The following PRELID2 variants were observed in gnomAD, a reference collection of about 807,000 sequenced individuals.
The protein encoded by PRELID2 is PRELI domain-containing protein 2.
Under a neutral mutation model 28.4 loss-of-function variants are expected in PRELID2, and 25 were observed. That is an observed-to-expected ratio of 0.88 (90% confidence interval 0.64 to 1.23). The LOEUF (loss-of-function observed/expected upper bound fraction) is 1.23. PRELID2 is among the 50% of genes most tolerant of loss of function. The probability of loss-of-function intolerance (pLI) is 0.00; values close to 1 mark genes in which losing one functional copy is unlikely to be tolerated. For missense variants in PRELID2, 201 were observed against 214.4 expected, an observed-to-expected ratio of 0.94 and a Z score of 0.39; for synonymous variants, 76 against 71.6, an observed-to-expected ratio of 1.06 and a Z score of -0.31.
the PRELID2 span, among the ~76,000 whole-genome samples, chr5:145,413,631 C>CAT: frequency 6.6e-5 from 10 of 151,446 alleles, no homozygotes; most frequent in Non-Finnish European, 1.5e-5. Context: ...CACACACACA[C>CAT]ACACACACAC....
At chr5:145,362,329 C>T in the PRELID2 span, among the ~76,000 whole-genome samples, 3 of 152,110 alleles carry the variant, frequency 2.0e-5, no homozygotes, top group Non-Finnish European at 4.4e-5. Context: ...GGTTTCATCT[C>T]GCATAGTTAG....
chr5:145,823,287 CT>C (rs1274608625), intron 1 of PRELID2, among the ~76,000 whole-genome samples, 153 bp from the exon 2 acceptor site: 7 of 152,302 alleles, frequency 4.6e-5, no homozygotes, highest in African/African-American at 1.7e-4. Flanking sequence ...AATTTTATAA[CT>C]TGGGCCTAGA....
intron 1 of PRELID2, among the ~76,000 whole-genome samples, chr5:145,743,066 G>A (rs1332291321): frequency 1.3e-5 from 2 of 151,910 alleles, no homozygotes; most frequent in Non-Finnish European, 2.9e-5. Context: ...AAAATTAGGG[G>A]GCGGGGCTAA....
At chr5:145,395,665 C>A in the PRELID2 span, among the ~76,000 whole-genome samples, 1 of 152,032 alleles carries the variant, frequency 6.6e-6, no homozygotes, top group Admixed American at 6.6e-5. Flanking sequence ...TGATGTTATG[C>A]AACATAATTT....
At chr5:145,369,752 C>A in the PRELID2 span, among the ~76,000 whole-genome samples, 1 of 151,918 alleles carries the variant, frequency 6.6e-6, no homozygotes, top group Non-Finnish European at 1.5e-5. Context: ...TGTAAAAGTG[C>A]TCCTATCTCT....
intron 1 of PRELID2, among the ~76,000 whole-genome samples, chr5:145,663,576 AC>A (rs1754534046): frequency 6.6e-6 from 1 of 152,146 alleles, no homozygotes; most frequent in African/African-American, 2.4e-5. Context: ...TGAAACAACT[AC>A]TTTTAAAAAG....
the PRELID2 span, among the ~76,000 whole-genome samples, chr5:145,317,758 C>T: frequency 6.6e-6 from 1 of 152,170 alleles, no homozygotes; most frequent in East Asian, 1.9e-4. Context: ...TGTCCCTGGG[C>T]TCCAGGAACA....
intron 1 of PRELID2, among the ~76,000 whole-genome samples, chr5:145,646,845 G>C (rs887686653): frequency 6.6e-6 from 1 of 152,194 alleles, no homozygotes; most frequent in Non-Finnish European, 1.5e-5. Context: ...ATCACCAGCG[G>C]AGGCTGCAGT....
intron 1 of PRELID2, among the ~76,000 whole-genome samples, chr5:145,653,217 G>T (rs2149672544): frequency 6.6e-6 from 1 of 152,300 alleles, no homozygotes; most frequent in African/African-American, 2.4e-5. Flanking sequence ...AAATATATAT[G>T]CACCCAATAC....
chr5:145,664,189 T>C (rs1754545327), intron 1 of PRELID2, among the ~76,000 whole-genome samples: 1 of 152,198 alleles, frequency 6.6e-6, no homozygotes, highest in Non-Finnish European at 1.5e-5. Flanking sequence ...ATATACATTA[T>C]TGTGTCCAGG....
At chr5:145,251,372 C>T in the PRELID2 span, among the ~76,000 whole-genome samples, 1 of 152,058 alleles carries the variant, frequency 6.6e-6, no homozygotes, top group East Asian at 1.9e-4. Flanking sequence ...TTTAAGTGGG[C>T]CATGAGCCCA....
At chr5:145,358,968 T>A in the PRELID2 span, among the ~76,000 whole-genome samples, 3 of 152,170 alleles carry the variant, frequency 2.0e-5, no homozygotes, top group African/African-American at 7.2e-5. Flanking sequence ...CCAAGCATAA[T>A]TTATAATGAG....
intron 1 of PRELID2, chr5:145,834,964 C>A (rs1456473088): frequency 2.1e-6 from 1 of 465,354 alleles, no homozygotes; most frequent in Non-Finnish European, 3.9e-6. Flanking sequence ...TCAGCTGGGG[C>A]AGGTGTGAAC....
the PRELID2 span, among the ~76,000 whole-genome samples, chr5:145,345,340 T>A: frequency 6.6e-6 from 1 of 151,590 alleles, no homozygotes; most frequent in East Asian, 1.9e-4. Context: ...AGTCTACTGA[T>A]TGATGACCAC....
At chr5:145,641,597 G>C (rs1754107367) in intron 1 of PRELID2, among the ~76,000 whole-genome samples, 1 of 152,180 alleles carries the variant, frequency 6.6e-6, no homozygotes, top group African/African-American at 2.4e-5. Context: ...TTGCCATGGT[G>C]GTTTGCTGCA....
At chr5:145,624,414 G>T (rs1753816505) in intron 1 of PRELID2, among the ~76,000 whole-genome samples, 1 of 152,118 alleles carries the variant, frequency 6.6e-6, no homozygotes, top group Non-Finnish European at 1.5e-5. Context: ...CCCCTATCCT[G>T]AAACTATCTA....
chr5:145,571,183 T>C (rs1281830177), intron 1 of PRELID2, among the ~76,000 whole-genome samples: 1 of 152,226 alleles, frequency 6.6e-6, no homozygotes, highest in Non-Finnish European at 1.5e-5. Context: ...CCTATATCTG[T>C]ATGGTGCTGG....
At chr5:145,333,842 G>T in the PRELID2 span, among the ~76,000 whole-genome samples, 1 of 142,798 alleles carries the variant, frequency 7.0e-6, no homozygotes, top group African/African-American at 2.6e-5. Flanking sequence ...AAAAACTCCT[G>T]CAGCTAGCTC....
chr5:145,255,127 T>C, the PRELID2 span, among the ~76,000 whole-genome samples: 1 of 152,132 alleles, frequency 6.6e-6, no homozygotes, highest in East Asian at 1.9e-4. Flanking sequence ...CTTTAGTCTC[T>C]GCTATTCTTT....
Sources: allele counts gnomAD v4.1 joint callset (sites outside exome capture counted in the v4.1 genomes callset), GRCh38; gene constraint gnomAD v4.1.1; transcripts MANE v1.5; gene names NCBI Gene and HGNC (gene_info 2026-07-23, HGNC 2026-07-21).